The following FAT3 variants were observed in gnomAD, a reference collection of about 807,000 sequenced individuals.
FAT3 encodes the protein FAT atypical cadherin 3.
Under a neutral mutation model 310.2 loss-of-function variants are expected in FAT3, and 95 were observed. The observed-to-expected ratio is 0.31, with a 90% CI of 0.26 to 0.36. The LOEUF (loss-of-function observed/expected upper bound fraction) is 0.36. Ranked by LOEUF, FAT3 falls within the 10% of genes least tolerant of loss-of-function variation. The probability of loss-of-function intolerance (pLI) is 1.00; values close to 1 mark genes in which losing one functional copy is unlikely to be tolerated. For synonymous variants in FAT3, 2,314 were observed against 2,192.9 expected (o/e 1.06, Z -1.54); for missense variants, 5,408 against 5,715.6 (o/e 0.95, Z 1.74).
rs1946640167 is a variant in FAT3, at chr11:92,289,502, C to CACACACAT, written c.-17-62587_-17-62586insTACACACA. Among the ~76,000 whole-genome samples the CACACACAT allele has an allele frequency of 5.4e-5, 3 of 55,236 alleles. No homozygotes were observed. In the South Asian group the frequency reaches 1.3e-3, roughly 23 times the overall value. The allele number at this position is 55,236 out of a possible 152,430, so 36.2% of individuals were successfully genotyped here. A position where few individuals can be genotyped will look rare whatever the true frequency, so the allele number is the denominator to read the frequency against. ...CAGCTTGGAGTCTCCATGATAGATA[C>CACACACAT]ACACACACACACACACACACACACA... On this transcript the variant is annotated intron_variant, in intron 1 of 27. Coordinates refer to ENST00000525166, the MANE Select transcript of FAT3 (RefSeq NM_001367949.2).
rs1949069666 is a variant in FAT3 at position 92,859,527 on chromosome 11, G to C, written c.11658+205G>C. ...ACATTCAGCTTCAAAATTGGCTCTT[G>C]GTACATGGGGCATCTCTCTTGAGAG... On this transcript the variant is annotated intron_variant, in intron 21 of 27. Transcript: ENST00000525166. 6.6e-5 allele frequency among the ~76,000 whole-genome samples: 10 copies of C among 152,262 alleles called. 1 individual carries two copies. In the South Asian group the frequency reaches 2.1e-3, roughly 32 times the overall value.
intron 4 of FAT3, among the ~76,000 whole-genome samples, chr11:92,709,420 C>T (rs1177570108): frequency 1.3e-5 from 2 of 152,148 alleles, no homozygotes; most frequent in Admixed American, 6.5e-5. Flanking sequence ...TTTCAAACTC[C>T]GCCTCTCCTT....
chr11:92,242,625 A>T (rs145431989), intron 1 of FAT3, among the ~76,000 whole-genome samples: 1 of 152,090 alleles, frequency 6.6e-6, no homozygotes, highest in Non-Finnish European at 1.5e-5. Context: ...ATGAAATGAG[A>T]CCTATAGGCA....
intron 14 of FAT3, among the ~76,000 whole-genome samples, chr11:92,833,791 A>G (rs1273656913): frequency 6.6e-6 from 1 of 152,216 alleles, no homozygotes; most frequent in African/African-American, 2.4e-5. Flanking sequence ...AGTTATGACC[A>G]TTGTATATAA....
intron 4 of FAT3, among the ~76,000 whole-genome samples, chr11:92,745,538 G>A (rs1945635238): frequency 6.9e-6 from 1 of 144,818 alleles, no homozygotes; most frequent in Non-Finnish European, 1.5e-5. Flanking sequence ...GGAAGGAAAT[G>A]GAAATGTGAT....
chr11:92,845,790 C>T (rs577503007), intron 19 of FAT3, among the ~76,000 whole-genome samples: 18 of 152,214 alleles, frequency 1.2e-4, no homozygotes, highest in African/African-American at 3.9e-4. Context: ...CAGGCAGGGC[C>T]CCGGCCTCTT....
intron 3 of FAT3, among the ~76,000 whole-genome samples, chr11:92,638,153 G>A (rs1428810139): frequency 6.6e-6 from 1 of 152,160 alleles, no homozygotes; most frequent in Non-Finnish European, 1.5e-5. Context: ...AGGTTGAGAG[G>A]TACTCATTGG....
At chr11:92,527,487 C>T (rs534830689) in intron 3 of FAT3, among the ~76,000 whole-genome samples, 205 of 152,226 alleles carry the variant, frequency 1.3e-3, no homozygotes, top group African/African-American at 4.6e-3. Context: ...ATGAAAATGA[C>T]CTTGCTTACT....
chr11:92,522,925 A>G (rs974854428), intron 2 of FAT3, among the ~76,000 whole-genome samples: 3 of 152,162 alleles, frequency 2.0e-5, no homozygotes, highest in South Asian at 2.1e-4. Flanking sequence ...ATTGTGTGCT[A>G]TGGGCCCTAT....
At chr11:92,727,097 A>C (rs1051078913) in intron 4 of FAT3, among the ~76,000 whole-genome samples, 2 of 152,242 alleles carry the variant, frequency 1.3e-5, no homozygotes, top group Non-Finnish European at 2.9e-5. Flanking sequence ...GATTAACTTC[A>C]TAAACAGCTA....
Position 92,308,178 on chromosome 11 carries a change from G to A in FAT3, c.-17-43918G>A, listed in dbSNP as rs570978960. 1.4e-4 allele frequency among the ~76,000 whole-genome samples: 22 copies of A among 152,236 alleles called. No individual in the cohort carries two copies. In the South Asian group the frequency reaches 3.3e-3, roughly 23 times the overall value. ...GTGTGTGCATGTGCCACATGAATGC[G>A]TGTGCTTTTTGGAAAGTTTTATTGC... On this transcript the variant is annotated intron_variant, in intron 1 of 27. Transcript: ENST00000525166.
At chr11:92,543,488 G>C (rs1954517854) in intron 3 of FAT3, among the ~76,000 whole-genome samples, 1 of 152,168 alleles carries the variant, frequency 6.6e-6, no homozygotes, top group Non-Finnish European at 1.5e-5. Context: ...TTAAGCAGCA[G>C]AGAAATCTAG....
At chr11:92,679,080 C>T (rs1943384994) in intron 3 of FAT3, among the ~76,000 whole-genome samples, 1 of 152,178 alleles carries the variant, frequency 6.6e-6, no homozygotes, top group African/African-American at 2.4e-5. Flanking sequence ...GCTTGTTTCA[C>T]TTAAGGTAAT....
intron 1 of FAT3, among the ~76,000 whole-genome samples, chr11:92,306,385 G>T (rs145296728): frequency 1.3e-5 from 2 of 148,574 alleles, no homozygotes; most frequent in Non-Finnish European, 3.0e-5. Context: ...GAAAGTAGAG[G>T]CCTATTTACT....
chr11:92,412,740 TATATAAATATAC>T (rs1211812724), intron 2 of FAT3, among the ~76,000 whole-genome samples: 2,327 of 76,228 alleles, frequency 0.031, 446 homozygotes, highest in African/African-American at 0.14. Context: ...TATATATATA[TATATAAATATAC>T]ATACATATAT....
intron 2 of FAT3, among the ~76,000 whole-genome samples, chr11:92,520,150 A>C (rs1018975309): frequency 1.3e-5 from 2 of 152,148 alleles, no homozygotes; most frequent in South Asian, 2.1e-4. Flanking sequence ...AATATTACTA[A>C]GAAATGAAAA....
chr11:92,583,746 G>C (rs1938968224), intron 3 of FAT3, among the ~76,000 whole-genome samples: 1 of 151,952 alleles, frequency 6.6e-6, no homozygotes, highest in African/African-American at 2.4e-5. Flanking sequence ...CTGATGTTCT[G>C]TTTGTTTAAA....
intron 1 of FAT3, among the ~76,000 whole-genome samples, chr11:92,240,018 A>AT (rs1204335151): frequency 6.6e-6 from 1 of 152,098 alleles, no homozygotes; most frequent in African/African-American, 2.4e-5. Context: ...GGTAAGAGTT[A>AT]TTTTTTATGC....
At chr11:92,270,106 A>G (rs762023666) in intron 1 of FAT3, among the ~76,000 whole-genome samples, 1 of 152,102 alleles carries the variant, frequency 6.6e-6, no homozygotes, top group Non-Finnish European at 1.5e-5. Flanking sequence ...GAACTTTAAG[A>G]TGCTAAGCTG....
Sources: allele counts gnomAD v4.1 joint callset (sites outside exome capture counted in the v4.1 genomes callset), GRCh38; gene constraint gnomAD v4.1.1; transcripts MANE v1.5; gene names NCBI Gene and HGNC (gene_info 2026-07-23, HGNC 2026-07-21).